TLCD4: variants seen among roughly 807,000 people sequenced by gnomAD.
TLCD4 encodes TLC domain containing 4, also known as TLC domain-containing protein 4.
In TLCD4, 7 loss-of-function variants were observed where a neutral mutation model predicts 24.2. The ratio of observed to expected loss-of-function variants is 0.29; its 90% CI spans 0.16 to 0.54. The LOEUF is 0.54. TLCD4 is among the 20% of genes least tolerant of loss of function. TLCD4 has a pLI of 0.95. For synonymous variants in TLCD4, 103 were observed against 106.4 expected (o/e 0.97, Z 0.20); for missense variants, 259 against 313.9 (o/e 0.82, Z 1.32).
intron 5 of TLCD4, among the ~76,000 whole-genome samples, chr1:95,152,501 A>G (rs1677520274): frequency 6.6e-6 from 1 of 152,126 alleles, no homozygotes; most frequent in Non-Finnish European, 1.5e-5. Context: ...TATTAGAACC[A>G]AAGTAAAACT....
intron 6 of TLCD4, among the ~76,000 whole-genome samples, chr1:95,178,204 C>T (rs1483389202): frequency 2.0e-5 from 3 of 151,988 alleles, no homozygotes; most frequent in Non-Finnish European, 2.9e-5. Flanking sequence ...ACCTCGGCCT[C>T]CCAAAGTGCT....
Position 95,191,759 on chromosome 1 carries a change from T to C in TLCD4, c.683T>C (p.Val228Ala), listed in dbSNP as rs778738318. 2 of 1,614,212 alleles carry C rather than the reference T, an allele frequency of 1.2e-6. No individual in the cohort carries two copies. The highest frequency in any genetic ancestry group is 1.7e-6 in the Non-Finnish European group (2 of 1,180,034). The change falls in exon 7 of 7, where the codon GTG becomes GCG. Residue 228 changes from valine (V) to alanine (A), a missense_variant. By Grantham distance (64) the Val-to-Ala change is moderately conservative (BLOSUM62 0). Coordinates refer to ENST00000370203, the MANE Select transcript of TLCD4 (RefSeq NM_152487.3). ...GTCATTAGTTGTGTTGTTTTGGATG[T>C]GATGAATGTCATGTGGATGATCAAA... is the stretch of plus-strand genomic sequence containing the variant. ...SWVISCVVLD[V>A]MNVMWMIKIS...
At chr1:95,167,027 A>G (rs1678039471) in intron 5 of TLCD4, among the ~76,000 whole-genome samples, 1 of 151,980 alleles carries the variant, frequency 6.6e-6, no homozygotes, top group Non-Finnish European at 1.5e-5. Context: ...GAGCCACTGT[A>G]CCTAGTTCTT....
chr1:95,110,616 C>G, the TLCD4 span, among the ~76,000 whole-genome samples: 3 of 151,876 alleles, frequency 2.0e-5, no homozygotes, highest in East Asian at 5.8e-4. Flanking sequence ...AGGCCAGGTG[C>G]GGTGGCTCAC....
chr1:95,099,188 G>A, the TLCD4 span, among the ~76,000 whole-genome samples: 2 of 152,078 alleles, frequency 1.3e-5, no homozygotes, highest in African/African-American at 4.8e-5. Context: ...AGCACTTTGG[G>A]AGGGTGAGGC....
chr1:95,166,152 T>C (rs1678012460), intron 5 of TLCD4, among the ~76,000 whole-genome samples: 2 of 152,194 alleles, frequency 1.3e-5, no homozygotes, highest in African/African-American at 2.4e-5. Flanking sequence ...TGCAGTGAGC[T>C]GCTTACACTT....
At chr1:95,153,833 A>G (rs942780891) in intron 5 of TLCD4, among the ~76,000 whole-genome samples, 1 of 152,158 alleles carries the variant, frequency 6.6e-6, no homozygotes, top group Non-Finnish European at 1.5e-5. Context: ...TGGCCTTGAA[A>G]TGTCCCTGGA....
chr1:95,119,934 T>A (rs1055337501), intron 1 of TLCD4, among the ~76,000 whole-genome samples: 17 of 150,798 alleles, frequency 1.1e-4, no homozygotes, highest in African/African-American at 4.1e-4. Flanking sequence ...CACTAAGATA[T>A]GAAAAGCTAG....
At position 95,195,173 on chromosome 1, in the gene TLCD4, T is replaced by C. The variant is rs1679156511; in HGVS notation, c.*3305T>C. 1.3e-5 allele frequency: 2 copies of C among 152,176 alleles called. No individual in the cohort carries two copies. Among genetic ancestry groups the C allele is most frequent in the African/African-American group, 4.8e-5 (2 of 41,444 alleles). 9.4% of individuals were successfully genotyped at this position (152,176 alleles called of 1,614,324 possible). ...TGCTACAGGGTCAACTTTTAAATTG[T>C]ATATTTCCTCTGAGGCACACTGGGC... On this transcript the variant is annotated 3_prime_UTR_variant, in exon 7 of 7. Transcript: ENST00000370203.
chr1:95,131,508 G>A (rs529397000), intron 1 of TLCD4, among the ~76,000 whole-genome samples: 3 of 152,186 alleles, frequency 2.0e-5, no homozygotes, highest in Non-Finnish European at 4.4e-5. Flanking sequence ...AGATGAGGGT[G>A]GGTAAGGAAG....
chr1:95,132,952 G>A (rs1483193265), intron 1 of TLCD4, among the ~76,000 whole-genome samples: 2 of 152,122 alleles, frequency 1.3e-5, no homozygotes, highest in Non-Finnish European at 2.9e-5. Flanking sequence ...GCTATTCCAG[G>A]AGAGTGATGT....
At chr1:95,165,947 C>CTT (rs1257938258) in intron 5 of TLCD4, among the ~76,000 whole-genome samples, 1 of 152,088 alleles carries the variant, frequency 6.6e-6, no homozygotes, top group Non-Finnish European at 1.5e-5. Context: ...CTAGAAGAGT[C>CTT]TTTACCTGAG....
the TLCD4 span, among the ~76,000 whole-genome samples, chr1:95,100,434 G>T: frequency 6.6e-6 from 1 of 152,090 alleles, no homozygotes; most frequent in East Asian, 1.9e-4. Flanking sequence ...AATTAGCTGG[G>T]CATGATGGTG....
chr1:95,179,755 C>T (rs1179192464), intron 6 of TLCD4, among the ~76,000 whole-genome samples: 2 of 152,184 alleles, frequency 1.3e-5, no homozygotes, highest in Admixed American at 1.3e-4. Context: ...ACACAGAAAG[C>T]TCTGCAAGAA....
chr1:95,100,949 C>T, the TLCD4 span, among the ~76,000 whole-genome samples: 5 of 151,732 alleles, frequency 3.3e-5, no homozygotes, highest in South Asian at 1.0e-3. Flanking sequence ...TGCTCTTTGC[C>T]CAGGCTAGAG....
chr1:95,109,491 AT>A, the TLCD4 span, among the ~76,000 whole-genome samples: 7,460 of 139,882 alleles, frequency 0.053, 212 homozygotes, highest in South Asian at 0.07. Flanking sequence ...TAAGTTTTGC[AT>A]TTTTTTTTTT....
chr1:95,105,894 T>TAAAAA, the TLCD4 span, among the ~76,000 whole-genome samples: 1 of 115,370 alleles, frequency 8.7e-6, no homozygotes, highest in African/African-American at 3.2e-5. Context: ...GACTCCGTCT[T>TAAAAA]AAAAAAAAAA....
chr1:95,133,082 A>C (rs1379818797), intron 1 of TLCD4, among the ~76,000 whole-genome samples: 1 of 152,168 alleles, frequency 6.6e-6, no homozygotes, highest in Admixed American at 6.6e-5. Flanking sequence ...GCAAGTGTAA[A>C]AATTCAAGCA....
intron 1 of TLCD4, among the ~76,000 whole-genome samples, chr1:95,131,883 A>T (rs1193144829): frequency 6.6e-6 from 1 of 152,162 alleles, no homozygotes; most frequent in Non-Finnish European, 1.5e-5. Context: ...GAGGTGTTAG[A>T]ATCCTGGGGG....
Sources: gnomAD v4.1 joint callset for allele counts (sites outside exome capture counted in the v4.1 genomes callset) on GRCh38, gnomAD v4.1.1 for gene constraint, MANE v1.5 for transcripts, NCBI Gene and HGNC (gene_info 2026-07-23, HGNC 2026-07-21) for gene names.